Variants in SOCS5 observed in about 807,000 individuals in gnomAD.
The protein encoded by SOCS5 is CIS-6.
A neutral mutation model predicts 42.8 loss-of-function variants in SOCS5; 32 were observed. The observed-to-expected ratio is 0.75, with a 90% confidence interval of 0.56 to 1.01. The LOEUF (loss-of-function observed/expected upper bound fraction) is 1.01, where lower values mean the gene tolerates loss of function less well. Ranked by LOEUF, SOCS5 falls within the 50% of genes least tolerant of loss-of-function variation. SOCS5 has a pLI of 0.00. For missense variants in SOCS5, 627 were observed against 653.0 expected, an observed-to-expected ratio of 0.96 and a Z score of 0.43; for synonymous variants, 283 against 229.6, an observed-to-expected ratio of 1.23 and a Z score of -2.10.
chr2:46,741,684 TATC>T (rs1356610200), intron 1 of SOCS5, among the ~76,000 whole-genome samples: 1 of 152,232 alleles, frequency 6.6e-6, no homozygotes, highest in Non-Finnish European at 1.5e-5. Flanking sequence ...TTTTATTTAA[TATC>T]ATGAACATTA....
chr2:46,701,496 G>C (rs1022023389), intron 1 of SOCS5, among the ~76,000 whole-genome samples: 10 of 152,272 alleles, frequency 6.6e-5, no homozygotes, highest in African/African-American at 2.4e-4. Flanking sequence ...GGATTGGTGG[G>C]CAGGTCTGTG....
Position 46,760,350 on chromosome 2 carries a change from A to C in SOCS5, c.*209A>C. The C allele has an allele frequency of 2.0e-6, 1 of 491,016 alleles. No homozygotes were observed. The highest frequency in any genetic ancestry group is 4.3e-5 in the South Asian group (1 of 23,408). 30.4% of individuals were successfully genotyped at this position (491,016 alleles called of 1,614,324 possible). ...GCGGATAGAGCTACAGGTGTTCAGT[A>C]AGACTACAAAAACATTTTGCCTATT... On this transcript the variant is annotated 3_prime_UTR_variant, in exon 2 of 2. Coordinates refer to ENST00000394861, the MANE Select transcript of SOCS5 (RefSeq NM_144949.3).
At position 46,762,962 on chromosome 2, in the gene SOCS5, T is replaced by A. The variant is rs1457738826; in HGVS notation, c.*2821T>A. ...CACATATATACATTTATGTTGTTAA[T>A]ATTACTTTAGATGGCATTTCCACCT... On this transcript the variant is annotated 3_prime_UTR_variant, in exon 2 of 2. Transcript: ENST00000394861. 1.2e-5 allele frequency: 2 copies of A among 167,100 alleles called. No individual in the cohort carries two copies. The highest frequency in any genetic ancestry group is 4.8e-5 in the African/African-American group (2 of 41,458). The allele number at this position is 167,100 out of a possible 1,614,324, so 10.4% of individuals were successfully genotyped here.
At chr2:46,713,460 T>G (rs1369229548) in intron 1 of SOCS5, among the ~76,000 whole-genome samples, 1 of 152,266 alleles carries the variant, frequency 6.6e-6, no homozygotes, top group African/African-American at 2.4e-5. Context: ...GAAAATAAAT[T>G]ATAAATTTTA....
chr2:46,736,780 C>T (rs574922396), intron 1 of SOCS5, among the ~76,000 whole-genome samples: 1 of 152,190 alleles, frequency 6.6e-6, no homozygotes, highest in South Asian at 2.1e-4. Context: ...CAAACACAAG[C>T]CACATACAGG....
Position 46,759,767 on chromosome 2 carries a change from T to C in SOCS5, c.1237T>C (p.Tyr413His). The part of the protein sequence containing the change: ...FLLRDSAQED[Y>H]LFSVSFRRYN... ...GCTCAGGGACTCTGCGCAAGAGGAC[T>C]ACCTCTTCTCTGTGAGCTTCCGCCG... The change falls in exon 2 of 2, where the codon TAC (tyrosine) becomes CAC (histidine). Residue 413 changes from tyrosine (Y) to histidine (H), a missense_variant. Physicochemically the swap from Tyr to His is moderately conservative, Grantham distance 83 (BLOSUM62 2). Around this residue, in one of 3 missense-constraint regions of SOCS5, gnomAD observed 340 missense variants for 367.6 expected, o/e 0.92. Transcript: ENST00000394861. The C allele has an allele frequency of 6.2e-7, 1 of 1,614,170 alleles. No homozygotes were observed. Among genetic ancestry groups the C allele is most frequent in the Non-Finnish European group, 8.5e-7 (1 of 1,180,006 alleles).
At chr2:46,749,080 A>G (rs2103752738) in intron 1 of SOCS5, among the ~76,000 whole-genome samples, 1 of 152,320 alleles carries the variant, frequency 6.6e-6, no homozygotes, top group South Asian at 2.1e-4. Flanking sequence ...TCTAGTAAGC[A>G]TGATCAGTAG....
chr2:46,751,258 T>C (rs1673616448), intron 1 of SOCS5, among the ~76,000 whole-genome samples: 1 of 152,174 alleles, frequency 6.6e-6, no homozygotes, highest in Non-Finnish European at 1.5e-5. Context: ...TATTACTCTT[T>C]TTTCAAGATT....
At chr2:46,701,573 T>G (rs915967129) in intron 1 of SOCS5, among the ~76,000 whole-genome samples, 1 of 152,070 alleles carries the variant, frequency 6.6e-6, no homozygotes, top group African/African-American at 2.4e-5. Context: ...TCGTGCCAAC[T>G]GTTAATGGTT....
At chr2:46,704,816 T>C (rs1437680829) in intron 1 of SOCS5, among the ~76,000 whole-genome samples, 3 of 152,230 alleles carry the variant, frequency 2.0e-5, no homozygotes, top group African/African-American at 7.2e-5. Flanking sequence ...CCTGGGCATA[T>C]GTTAATGAGG....
At chr2:46,733,664 C>G (rs1673178772) in intron 1 of SOCS5, among the ~76,000 whole-genome samples, 1 of 144,086 alleles carries the variant, frequency 6.9e-6, no homozygotes, top group African/African-American at 2.6e-5. Flanking sequence ...AAAGCTATAA[C>G]ATTCTTTCAA....
intron 1 of SOCS5, among the ~76,000 whole-genome samples, chr2:46,728,016 C>T (rs1235336428): frequency 6.6e-6 from 1 of 152,066 alleles, no homozygotes; most frequent in Non-Finnish European, 1.5e-5. Flanking sequence ...ATGTTTCCCT[C>T]CCTCAGAGTT....
Position 46,758,719 on chromosome 2 carries a change from TG to T in SOCS5, c.190del (p.Ala64ProfsTer6). The T allele has an allele frequency of 6.2e-7, 1 of 1,614,136 alleles. No individual in the cohort carries two copies. Among genetic ancestry groups the T allele is most frequent in the Non-Finnish European group, 8.5e-7 (1 of 1,179,996 alleles). ...AAAGCAGTCCCTTAAGAGAAAATATTGCCTTACAACTGGGATTAAGCCCTTC... is the reference window on the plus strand; with the variant it reads ...AAAGCAGTCCCTTAAGAGAAAATATTCCTTACAACTGGGATTAAGCCCTTC... Reference protein sequence around the residue: ...QQSSPLRENIALQLGLSPSKN... With the variant: ...QQSSPLRENIXLQLGLSPSKN... On this transcript the variant is annotated frameshift_variant, in exon 2 of 2. Coordinates refer to ENST00000394861, the MANE Select transcript of SOCS5 (RefSeq NM_144949.3). LOFTEE classifies it high-confidence loss of function.
intron 1 of SOCS5, among the ~76,000 whole-genome samples, chr2:46,734,027 C>A (rs1234707963): frequency 6.6e-6 from 1 of 152,090 alleles, no homozygotes; most frequent in Non-Finnish European, 1.5e-5. Context: ...ATAATGGAAA[C>A]GTTGTGGGAC....
chr2:46,714,626 T>C (rs552017357), intron 1 of SOCS5, among the ~76,000 whole-genome samples: 85 of 152,352 alleles, frequency 5.6e-4, no homozygotes, highest in Middle Eastern at 3.4e-3. Context: ...GTTGGCAAAC[T>C]ATGGCTGGCA....
At chr2:46,735,669 A>G (rs1249492877) in intron 1 of SOCS5, among the ~76,000 whole-genome samples, 1 of 152,080 alleles carries the variant, frequency 6.6e-6, no homozygotes, top group Non-Finnish European at 1.5e-5. Context: ...GTCCATGTTC[A>G]TACTTGTTGA....
At chr2:46,735,064 C>A (rs984369330) in intron 1 of SOCS5, among the ~76,000 whole-genome samples, 4 of 152,168 alleles carry the variant, frequency 2.6e-5, no homozygotes, top group African/African-American at 9.7e-5. Context: ...TTCTGCGAAG[C>A]CTTTCCTGAT....
chr2:46,729,373 T>G (rs556216989), intron 1 of SOCS5, among the ~76,000 whole-genome samples: 1 of 152,298 alleles, frequency 6.6e-6, no homozygotes, highest in African/African-American at 2.4e-5. Flanking sequence ...TTCTGGGAAG[T>G]ATGTCATTAA....
intron 1 of SOCS5, among the ~76,000 whole-genome samples, chr2:46,742,146 A>G (rs1355483391): frequency 1.3e-5 from 2 of 152,238 alleles, no homozygotes; most frequent in African/African-American, 2.4e-5. Context: ...ACAAATTCCA[A>G]GAATGACCTT....
Sources: allele counts gnomAD v4.1 joint callset (sites outside exome capture counted in the v4.1 genomes callset), GRCh38; gene constraint gnomAD v4.1.1; regional missense constraint gnomAD v4.1.1; transcripts MANE v1.5; gene names NCBI Gene and HGNC (gene_info 2026-07-23, HGNC 2026-07-21).